The following NOL4 variants were observed in gnomAD, a reference collection of about 807,000 sequenced individuals.
The protein encoded by NOL4 is nucleolar protein 4.
In NOL4, 17 loss-of-function variants were observed where a neutral mutation model predicts 75.9. The ratio of observed to expected loss-of-function variants is 0.22; its 90% CI spans 0.15 to 0.34. The LOEUF is 0.34. Ranked by LOEUF, NOL4 falls within the 10% of genes least tolerant of loss-of-function variation. The probability of loss-of-function intolerance (pLI) is 1.00; values close to 1 mark genes in which losing one functional copy is unlikely to be tolerated. For missense variants in NOL4, 614 were observed against 793.5 expected (o/e 0.77, Z 2.72); for synonymous variants, 292 against 289.9 (o/e 1.01, Z -0.07).
At chr18:33,880,737 C>T (rs558676474) in intron 10 of NOL4, among the ~76,000 whole-genome samples, 12 of 152,024 alleles carry the variant, frequency 7.9e-5, no homozygotes, top group Admixed American at 3.3e-4. Flanking sequence ...TCTTTGAACA[C>T]GGAAATAATG....
intron 1 of NOL4, among the ~76,000 whole-genome samples, chr18:34,143,970 T>G (rs1242138400): frequency 6.6e-6 from 1 of 152,152 alleles, no homozygotes; most frequent in Non-Finnish European, 1.5e-5. Flanking sequence ...ATTTCTATGT[T>G]GTATAAATAC....
intron 9 of NOL4, among the ~76,000 whole-genome samples, chr18:33,909,798 C>A (rs151005152): frequency 6.6e-6 from 1 of 150,488 alleles, no homozygotes; most frequent in Non-Finnish European, 1.5e-5. Flanking sequence ...TCCAGGGCTG[C>A]GAAGGAAGGA....
At chr18:34,081,344 C>A (rs1371437557) in intron 5 of NOL4, among the ~76,000 whole-genome samples, 1 of 152,076 alleles carries the variant, frequency 6.6e-6, no homozygotes, top group African/African-American at 2.4e-5. Flanking sequence ...GTCTACTTAA[C>A]TATAATCTGG....
intron 5 of NOL4, among the ~76,000 whole-genome samples, chr18:34,072,569 T>C (rs1326653122): frequency 6.6e-6 from 1 of 152,172 alleles, no homozygotes; most frequent in East Asian, 1.9e-4. Context: ...AAAGACTATA[T>C]ATTTGAATGA....
rs890609095 is a variant in NOL4, at chr18:34,093,512, A to G, written c.725T>C (p.Leu242Pro). The G allele has an allele frequency of 3.7e-6, 6 of 1,607,780 alleles. No homozygotes were observed. The highest frequency in any genetic ancestry group is 5.1e-6 in the Non-Finnish European group (6 of 1,176,236). Residue 242 changes from leucine (L) to proline (P), a missense_variant, in exon 5 of 11, where the codon CTT becomes CCT. By Grantham distance (98) the Leu-to-Pro change is moderately conservative. Transcript: ENST00000261592. ...CTGGGGACTTTGCATTCTTTCTTCA[A>G]GATTGGAGCTAAGATCAGAGTTCAC... is the stretch of plus-strand genomic sequence containing the variant. ...SAVNSDLSSN[L>P]EERMQSPQNL... is the part of the protein sequence containing the mutation.
chr18:34,185,248 C>T (rs895241334), intron 1 of NOL4, among the ~76,000 whole-genome samples: 5 of 152,120 alleles, frequency 3.3e-5, no homozygotes, highest in African/African-American at 4.8e-5. Context: ...TACAATTTCA[C>T]GGATTCTGGC....
rs540789092 is a variant in NOL4, at chr18:34,033,011, A to G, written c.773-13410T>C. 2.0e-5 allele frequency among the ~76,000 whole-genome samples: 3 copies of G among 152,326 alleles called. No individual in the cohort carries two copies. In the South Asian group the frequency reaches 6.2e-4, roughly 32 times the overall value. On this transcript the variant is annotated intron_variant, in intron 5 of 10. Coordinates refer to ENST00000261592, the MANE Select transcript of NOL4 (RefSeq NM_003787.5). ...CCGCACACATCTAAAATCAAAGCCA[A>G]AGTGCCCTGCTCAACCAACACCATA...
intron 6 of NOL4, among the ~76,000 whole-genome samples, chr18:34,008,748 T>C (rs1203764731): frequency 6.6e-6 from 1 of 151,932 alleles, no homozygotes; most frequent in Non-Finnish European, 1.5e-5. Flanking sequence ...AGGGAATATA[T>C]GCATCAGAGA....
At chr18:34,098,051 GT>G (rs963303503) in intron 4 of NOL4, among the ~76,000 whole-genome samples, 3 of 151,784 alleles carry the variant, frequency 2.0e-5, no homozygotes, top group South Asian at 4.2e-4. Flanking sequence ...GGAGGTTGGG[GT>G]TTTTTTTATG....
At chr18:33,923,280 C>T (rs1253090277) in intron 9 of NOL4, among the ~76,000 whole-genome samples, 1 of 151,976 alleles carries the variant, frequency 6.6e-6, no homozygotes, top group South Asian at 2.1e-4. Flanking sequence ...ACTTTGAATA[C>T]ATAGATTCTC....
At position 33,877,742 on chromosome 18, in the gene NOL4, C is replaced by A. The variant is rs10468910; in HGVS notation, c.1723+5502G>T. Among the ~76,000 whole-genome samples the A allele has an allele frequency of 9.5e-3, 1,440 of 151,928 alleles. 25 individuals are homozygous for A. Among genetic ancestry groups the A allele is most frequent in the African/African-American group, 0.033 (1,388 of 41,450 alleles). ...TTCTAAACACTTATATGCCTGCATA[C>A]CTGGGATTTATACCAAATTTCCTAT... On this transcript the variant is annotated intron_variant, in intron 10 of 10. Coordinates refer to ENST00000261592, the MANE Select transcript of NOL4 (RefSeq NM_003787.5).
At chr18:33,892,299 A>C (rs1238223636) in intron 9 of NOL4, among the ~76,000 whole-genome samples, 1 of 151,954 alleles carries the variant, frequency 6.6e-6, no homozygotes, top group Non-Finnish European at 1.5e-5. Flanking sequence ...GTAATGGTGG[A>C]ATGTGCCTGT....
At chr18:34,142,688 G>A (rs973434906) in intron 1 of NOL4, among the ~76,000 whole-genome samples, 3 of 152,226 alleles carry the variant, frequency 2.0e-5, no homozygotes, top group African/African-American at 7.2e-5. Context: ...TTGTGGGGTG[G>A]GGGGAGGATG....
intron 1 of NOL4, among the ~76,000 whole-genome samples, chr18:34,165,267 C>G (rs1386544538): frequency 7.9e-6 from 1 of 125,814 alleles, no homozygotes; most frequent in African/African-American, 2.9e-5. Context: ...AAAATAAAGA[C>G]TGTGTATAGA....
At chr18:34,175,871 G>T (rs1444178661) in intron 1 of NOL4, among the ~76,000 whole-genome samples, 1 of 151,936 alleles carries the variant, frequency 6.6e-6, no homozygotes, top group African/African-American at 2.4e-5. Context: ...GGAGAGACAA[G>T]AATCTCATTC....
intron 1 of NOL4, among the ~76,000 whole-genome samples, chr18:34,137,464 A>T (rs192857166): frequency 6.6e-6 from 1 of 152,322 alleles, no homozygotes; most frequent in African/African-American, 2.4e-5. Context: ...CAATTTAAAA[A>T]CTGTTAAAGA....
chr18:33,943,192 G>A lies in NOL4; in HGVS notation c.1429-14C>T. Reference sequence around the variant, plus strand: ...AATAGGTCGAGACTAAAAAAAAAAAGAGAAAAGTATGAAAAAAATTATTAA... The same window carrying A: ...AATAGGTCGAGACTAAAAAAAAAAAAAGAAAAGTATGAAAAAAATTATTAA... On this transcript the variant is annotated splice_polypyrimidine_tract_variant and intron_variant, in intron 8 of 10. Coordinates refer to ENST00000261592, the MANE Select transcript of NOL4 (RefSeq NM_003787.5). 2.7e-6 allele frequency: 4 copies of A among 1,498,188 alleles called. No individual in the cohort carries two copies. The highest frequency in any genetic ancestry group is 2.8e-6 in the Non-Finnish European group (3 of 1,083,116). The allele number at this position is 1,498,188 out of a possible 1,614,324, so 92.8% of individuals were successfully genotyped here. A position where few individuals can be genotyped will look rare whatever the true frequency, so the allele number is the denominator to read the frequency against.
At chr18:34,202,799 A>C (rs549588326) in intron 1 of NOL4, among the ~76,000 whole-genome samples, 1 of 152,040 alleles carries the variant, frequency 6.6e-6, no homozygotes, top group Non-Finnish European at 1.5e-5. Flanking sequence ...CATTACATTT[A>C]AAAAATGGCT....
chr18:34,214,806 TA>T (rs1486017506), intron 1 of NOL4, among the ~76,000 whole-genome samples: 10 of 152,180 alleles, frequency 6.6e-5, no homozygotes, highest in Non-Finnish European at 8.8e-5. Flanking sequence ...GGCATATACC[TA>T]CAATGGAATA....
Sources: gnomAD v4.1 joint callset for allele counts (sites outside exome capture counted in the v4.1 genomes callset) on GRCh38, gnomAD v4.1.1 for gene constraint, MANE v1.5 for transcripts, NCBI Gene and HGNC (gene_info 2026-07-23, HGNC 2026-07-21) for gene names.